Variants in RBFOX1 observed in about 807,000 individuals in gnomAD.
RBFOX1 encodes the protein RNA binding fox-1 homolog 1, also known as RNA binding protein fox-1 homolog 1.
RBFOX1 carries 8 observed loss-of-function variants against 57.7 expected under a neutral mutation model. The ratio of observed to expected loss-of-function variants is 0.14; its 90% CI spans 0.08 to 0.25. The LOEUF is 0.25. Ranked by LOEUF, RBFOX1 falls within the 10% of genes least tolerant of loss-of-function variation. The pLI is 1.00. For synonymous variants in RBFOX1, 326 were observed against 222.4 expected (o/e 1.47, Z -4.15); for missense variants, 611 against 548.5 (o/e 1.11, Z -1.14).
intron 3 of RBFOX1, among the ~76,000 whole-genome samples, chr16:5,747,509 G>C (rs543599598): frequency 2.6e-5 from 4 of 152,278 alleles, no homozygotes; most frequent in Admixed American, 1.3e-4. Flanking sequence ...GAATCTGTCT[G>C]ATGCTAGAGT....
intron 3 of RBFOX1, among the ~76,000 whole-genome samples, chr16:6,891,481 G>C (rs909385545): frequency 2.6e-5 from 4 of 151,196 alleles, no homozygotes; most frequent in African/African-American, 9.7e-5. Flanking sequence ...GAGAGAGAGA[G>C]AGAGGAGAGG....
intron 4 of RBFOX1, among the ~76,000 whole-genome samples, chr16:7,186,836 C>G (rs1347593720): frequency 6.6e-6 from 1 of 150,922 alleles, no homozygotes; most frequent in Non-Finnish European, 1.5e-5. Flanking sequence ...GTGTTTTGAA[C>G]AATATTCTTT....
intron 1 of RBFOX1, among the ~76,000 whole-genome samples, chr16:5,424,890 TC>T: frequency 4.1e-5 from 3 of 72,930 alleles, no homozygotes; most frequent in African/African-American, 1.7e-4. Context: ...TTTCTTTCTT[TC>T]TTTCTTTCTT....
chr16:7,103,814 C>G, intron 4 of RBFOX1, among the ~76,000 whole-genome samples: 1 of 152,170 alleles, frequency 6.6e-6, no homozygotes. Flanking sequence ...AGACTCGTGA[C>G]TTCAAGTGCC....
intron 10 of RBFOX1, among the ~76,000 whole-genome samples, chr16:7,626,772 G>GAA (rs926476843): frequency 6.6e-6 from 1 of 151,672 alleles, no homozygotes; most frequent in African/African-American, 2.4e-5. Flanking sequence ...AAGATTGGTT[G>GAA]AAAAAAAACA....
rs540720758 is a variant in RBFOX1 at position 5,634,776 on chromosome 16, G to T, written c.318+35815G>T. 3.3e-5 allele frequency among the ~76,000 whole-genome samples: 5 copies of T among 152,324 alleles called. No homozygotes were observed. The East Asian group carries it at 9.6e-4, about 29-fold the overall frequency. ...CATTTCTGGCTGACTTCCTTCTGCA[G>T]ACAGATTCTGTCCAGATGGCATAAA... On this transcript the variant is annotated intron_variant, in intron 3 of 19. Transcript: ENST00000641259.
intron 2 of RBFOX1, among the ~76,000 whole-genome samples, chr16:5,537,935 C>T (rs2044764727): frequency 6.6e-6 from 1 of 152,186 alleles, no homozygotes; most frequent in Non-Finnish European, 1.5e-5. Flanking sequence ...TATTCTCCCT[C>T]CCACAAGAGT....
intron 4 of RBFOX1, among the ~76,000 whole-genome samples, chr16:7,517,313 T>C (rs1244062787): frequency 6.6e-6 from 1 of 152,056 alleles, no homozygotes; most frequent in East Asian, 1.9e-4. Flanking sequence ...ATTGTCACAC[T>C]GCCTGTTTTG....
chr16:5,278,114 T>C (rs1341838079), intron 1 of RBFOX1, among the ~76,000 whole-genome samples: 1 of 152,206 alleles, frequency 6.6e-6, no homozygotes, highest in African/African-American at 2.4e-5. Flanking sequence ...TAATTTACAT[T>C]GCCACCAACA....
chr16:7,223,020 C>T (rs2092841792), intron 4 of RBFOX1, among the ~76,000 whole-genome samples: 1 of 152,204 alleles, frequency 6.6e-6, no homozygotes, highest in African/African-American at 2.4e-5. Context: ...TCTCTTCCAT[C>T]TGGCCACCTG....
intron 2 of RBFOX1, among the ~76,000 whole-genome samples, chr16:6,498,021 G>C (rs1430660965): frequency 6.6e-6 from 1 of 151,978 alleles, no homozygotes; most frequent in Non-Finnish European, 1.5e-5. Context: ...GGCTGAGGCG[G>C]GTGGATCGCC....
intron 1 of RBFOX1, among the ~76,000 whole-genome samples, chr16:5,402,736 A>T (rs945562191): frequency 1.3e-5 from 2 of 152,212 alleles, no homozygotes; most frequent in East Asian, 1.9e-4. Flanking sequence ...AGACCCTCTT[A>T]AGTGTGTTAA....
chr16:7,523,329 A>C (rs2077933759), intron 5 of RBFOX1, among the ~76,000 whole-genome samples: 1 of 152,232 alleles, frequency 6.6e-6, no homozygotes, highest in South Asian at 2.1e-4. Flanking sequence ...ACAGAAGAGA[A>C]GGAAGGGTGA....
chr16:6,661,736 G>C (rs2098702848), intron 3 of RBFOX1, among the ~76,000 whole-genome samples: 1 of 152,202 alleles, frequency 6.6e-6, no homozygotes, highest in Admixed American at 6.5e-5. Flanking sequence ...ACAGGGCTGG[G>C]TTGCCCCTTC....
intron 3 of RBFOX1, among the ~76,000 whole-genome samples, chr16:6,912,673 T>G (rs2071981549): frequency 6.6e-6 from 1 of 151,762 alleles, no homozygotes; most frequent in Non-Finnish European, 1.5e-5. Context: ...TGGAGTACAG[T>G]GGCATGATCA....
chr16:7,381,498 C>G (rs1339628309), intron 4 of RBFOX1, among the ~76,000 whole-genome samples: 2 of 95,916 alleles, frequency 2.1e-5, no homozygotes, highest in African/African-American at 1.0e-4. Context: ...TACATCGTTC[C>G]CCCCCGCCTT....
chr16:7,615,847 T>G (rs540568750), intron 10 of RBFOX1, among the ~76,000 whole-genome samples: 122 of 152,272 alleles, frequency 8.0e-4, no homozygotes, highest in African/African-American at 2.7e-3. Flanking sequence ...TGGCCCAAAA[T>G]GTCAATAGTG....
chr16:7,614,607 A>T (rs2058116531), intron 10 of RBFOX1: 1 of 152,180 alleles, frequency 6.6e-6, no homozygotes, highest in Non-Finnish European at 1.5e-5. Context: ...GTGTCAAGGT[A>T]GTCCTTGTAC....
intron 4 of RBFOX1, among the ~76,000 whole-genome samples, chr16:7,417,407 C>T (rs772705784): frequency 6.7e-6 from 1 of 150,158 alleles, no homozygotes; most frequent in Non-Finnish European, 1.5e-5. Context: ...ACCCCATATC[C>T]TGTTCCCCCA....
Sources: gnomAD v4.1 joint callset for allele counts (sites outside exome capture counted in the v4.1 genomes callset) on GRCh38, gnomAD v4.1.1 for gene constraint, MANE v1.5 for transcripts, NCBI Gene and HGNC (gene_info 2026-07-23, HGNC 2026-07-21) for gene names.